OXR1: variants seen among roughly 807,000 people sequenced by gnomAD.
OXR1 encodes the protein oxidation resistance protein 1.
A neutral mutation model predicts 104.6 loss-of-function variants in OXR1; 41 were observed. That is an observed-to-expected ratio of 0.39 (90% CI 0.31 to 0.51). The LOEUF is 0.51. OXR1 is among the 20% of genes least tolerant of loss of function. OXR1 has a pLI of 0.77. For missense variants in OXR1, 955 were observed against 1,031.9 expected (o/e 0.93, Z 1.02); for synonymous variants, 348 against 348.4 (o/e 1.00, Z 0.01).
chr8:106,571,416 C>A (rs183921286), intron 3 of OXR1, among the ~76,000 whole-genome samples: 46 of 152,122 alleles, frequency 3.0e-4, no homozygotes, highest in Non-Finnish European at 4.9e-4. Context: ...GAAGGCCTGA[C>A]CCTCATGACC....
chr8:106,662,653 T>G (rs953472185), intron 3 of OXR1, among the ~76,000 whole-genome samples: 4 of 152,214 alleles, frequency 2.6e-5, no homozygotes, highest in African/African-American at 9.7e-5. Flanking sequence ...GTACTGAGGT[T>G]CATTAATGAT....
chr8:106,595,225 T>G (rs1819423528), intron 3 of OXR1, among the ~76,000 whole-genome samples: 1 of 152,182 alleles, frequency 6.6e-6, no homozygotes, highest in African/African-American at 2.4e-5. Context: ...GATCATTACC[T>G]TCTCTGTTTA....
chr8:106,578,576 A>G (rs1407045591), intron 3 of OXR1, among the ~76,000 whole-genome samples: 2 of 152,242 alleles, frequency 1.3e-5, no homozygotes, highest in East Asian at 3.8e-4. Flanking sequence ...ATTCTTGTGC[A>G]TAGCATATCT....
At chr8:106,562,161 A>G (rs184587967) in intron 3 of OXR1, among the ~76,000 whole-genome samples, 68 of 152,278 alleles carry the variant, frequency 4.5e-4, no homozygotes, top group Admixed American at 1.1e-3. Context: ...AAGATGAGTA[A>G]TAACAAAAAT....
chr8:106,330,951 C>A (rs954462583), intron 1 of OXR1, among the ~76,000 whole-genome samples: 2 of 152,064 alleles, frequency 1.3e-5, no homozygotes, highest in African/African-American at 4.8e-5. Context: ...AAAAGTGACC[C>A]CCCAAAAATG....
chr8:106,295,776 T>C (rs1181662408), intron 1 of OXR1, among the ~76,000 whole-genome samples: 3 of 152,210 alleles, frequency 2.0e-5, no homozygotes, highest in Non-Finnish European at 2.9e-5. Context: ...GCCATTAAAG[T>C]GCTAGGCACT....
Position 106,486,996 on chromosome 8 carries a change from C to T in OXR1, c.24-31947C>T, listed in dbSNP as rs1810701754. Among the ~76,000 whole-genome samples the T allele has an allele frequency of 4.0e-5, 6 of 151,260 alleles. No individual in the cohort carries two copies. The South Asian group carries it at 1.3e-3, about 32-fold the overall frequency. ...GGTAAATATCCCAAATATTGTGAGG[C>T]CTTCCTTGAATATTAATCCAGACAC... is the stretch of plus-strand genomic sequence containing the variant. On this transcript the variant is annotated intron_variant, in intron 2 of 16. Coordinates refer to ENST00000517566, the MANE Select transcript of OXR1 (RefSeq NM_001198533.2).
At chr8:106,435,606 A>T (rs1819538384) in intron 2 of OXR1, among the ~76,000 whole-genome samples, 1 of 152,192 alleles carries the variant, frequency 6.6e-6, no homozygotes, top group Non-Finnish European at 1.5e-5. Flanking sequence ...GTAAAGAACC[A>T]GTACACTCTC....
At chr8:106,484,768 TAAAAAC>T (rs1408914910) in intron 2 of OXR1, among the ~76,000 whole-genome samples, 2 of 151,664 alleles carry the variant, frequency 1.3e-5, no homozygotes, top group African/African-American at 2.4e-5. Context: ...GGTGTTTTTT[TAAAAAC>T]AAAAACAAAA....
At chr8:106,493,258 GCTGCCT>G (rs1811213316) in intron 2 of OXR1, among the ~76,000 whole-genome samples, 1 of 152,172 alleles carries the variant, frequency 6.6e-6, no homozygotes, top group South Asian at 2.1e-4. Flanking sequence ...ATGTTAGCAT[GCTGCCT>G]CTGTCGGGTT....
intron 11 of OXR1, chr8:106,726,119 C>T: frequency 7.1e-7 from 1 of 1,400,032 alleles, no homozygotes; most frequent in South Asian, 1.6e-5. Context: ...ATCTTTGTCT[C>T]TAGCAAACTG....
At chr8:106,726,109 A>G (rs891663580) in intron 11 of OXR1, 68 of 1,376,510 alleles carry the variant, frequency 4.9e-5, no homozygotes, top group Non-Finnish European at 6.4e-5. Context: ...TGTCAATCAA[A>G]TCTTTGTCTC....
chr8:106,339,503 AAAAAAAAAAAAAAAAAATATATATATAT>A (rs2130258290), intron 1 of OXR1, among the ~76,000 whole-genome samples: 1 of 39,552 alleles, frequency 2.5e-5, no homozygotes, highest in African/African-American at 1.8e-4. Context: ...AAAAAAAAAA[AAAAAAAAAAAAAAAAAATATATATATAT>A]ATATATATAT....
At chr8:106,322,281 G>A (rs566565666) in intron 1 of OXR1, among the ~76,000 whole-genome samples, 6 of 152,092 alleles carry the variant, frequency 3.9e-5, no homozygotes, top group African/African-American at 1.4e-4. Context: ...CACATAAATC[G>A]AACTAAAAAC....
At chr8:106,370,871 G>A (rs1816678159) in intron 2 of OXR1, among the ~76,000 whole-genome samples, 1 of 152,046 alleles carries the variant, frequency 6.6e-6, no homozygotes, top group African/African-American at 2.4e-5. Flanking sequence ...TTTTTCTTGT[G>A]TCTCTTTCTG....
chr8:106,633,089 C>T (rs1025799979), intron 3 of OXR1, among the ~76,000 whole-genome samples: 1 of 151,728 alleles, frequency 6.6e-6, no homozygotes, highest in African/African-American at 2.4e-5. Context: ...CAAAAATTGC[C>T]AGGCATGGTG....
chr8:106,494,942 A>G (rs1811319678), intron 2 of OXR1, among the ~76,000 whole-genome samples: 1 of 152,166 alleles, frequency 6.6e-6, no homozygotes, highest in African/African-American at 2.4e-5. Context: ...ATATGAGAGC[A>G]CAGACGTTTC....
intron 1 of OXR1, among the ~76,000 whole-genome samples, chr8:106,342,991 G>GGAGT (rs1815318885): frequency 6.6e-6 from 1 of 152,022 alleles, no homozygotes; most frequent in Admixed American, 6.5e-5. Context: ...CTATACCCTG[G>GGAGT]GAGTCATCTT....
chr8:106,470,997 G>T (rs780422092), intron 2 of OXR1, among the ~76,000 whole-genome samples: 5 of 151,714 alleles, frequency 3.3e-5, no homozygotes, highest in Non-Finnish European at 7.4e-5. Flanking sequence ...GACCAGGGTG[G>T]ATTTAAAAGA....
Sources: allele counts gnomAD v4.1 joint callset (sites outside exome capture counted in the v4.1 genomes callset), GRCh38; gene constraint gnomAD v4.1.1; transcripts MANE v1.5; gene names NCBI Gene and HGNC (gene_info 2026-07-23, HGNC 2026-07-21).